Variants in DROSHA observed in about 807,000 individuals in gnomAD.
DROSHA encodes drosha ribonuclease III, also known as ribonuclease 3.
A neutral mutation model predicts 181.9 loss-of-function variants in DROSHA; 56 were observed. That is an observed-to-expected ratio of 0.31 (90% CI 0.25 to 0.38). DROSHA has a LOEUF of 0.38. DROSHA is among the 10% of genes least tolerant of loss of function. The pLI is 1.00. For synonymous variants in DROSHA, 524 were observed against 591.2 expected, an observed-to-expected ratio of 0.89 and a Z score of 1.65; for missense variants, 1,218 against 1,743.5, an observed-to-expected ratio of 0.70 and a Z score of 5.37.
intron 20 of DROSHA, 32 bp from the exon 21 acceptor site, chr5:31,451,672 T>C: frequency 6.8e-7 from 1 of 1,466,576 alleles, no homozygotes; most frequent in Non-Finnish European, 9.3e-7. Flanking sequence ...ATGTTTAACT[T>C]TATAAAAACT....
chr5:31,439,756 C>A (rs1013557421), intron 23 of DROSHA, among the ~76,000 whole-genome samples: 3 of 152,064 alleles, frequency 2.0e-5, no homozygotes, highest in African/African-American at 7.2e-5. Flanking sequence ...TGAAAAGAAC[C>A]TTAATGTCTA....
chr5:31,465,460 A>G (rs1281852232), intron 19 of DROSHA, among the ~76,000 whole-genome samples: 2 of 152,216 alleles, frequency 1.3e-5, no homozygotes, highest in Admixed American at 1.3e-4. Flanking sequence ...ATGTTGTATA[A>G]TGTGCAACCA....
chr5:31,504,740 G>T, intron 10 of DROSHA, 105 bp from the exon 11 acceptor site: 1 of 1,081,008 alleles, frequency 9.3e-7, no homozygotes, highest in Non-Finnish European at 1.4e-6. Context: ...GAGCGCTGAA[G>T]CTCTGAGAGG....
At chr5:31,456,055 G>A (rs145405021) in intron 20 of DROSHA, among the ~76,000 whole-genome samples, 73 of 152,192 alleles carry the variant, frequency 4.8e-4, no homozygotes, top group Admixed American at 1.9e-3. Context: ...CAAACTGACC[G>A]TTAAAACAAA....
intron 23 of DROSHA, 79 bp downstream of exon 23, chr5:31,448,468 A>AG: frequency 7.6e-7 from 1 of 1,320,006 alleles, no homozygotes; most frequent in Non-Finnish European, 1.1e-6. Context: ...AAACCACTGA[A>AG]TTGTATGCTT....
intron 23 of DROSHA, among the ~76,000 whole-genome samples, chr5:31,439,998 C>T (rs1303213027): frequency 6.6e-6 from 1 of 152,176 alleles, no homozygotes; most frequent in Non-Finnish European, 1.5e-5. Flanking sequence ...CAACAGCTGC[C>T]TGTCGAGTCT....
At chr5:31,499,444 T>C (rs1228176853) in intron 11 of DROSHA, among the ~76,000 whole-genome samples, 1 of 152,178 alleles carries the variant, frequency 6.6e-6, no homozygotes, top group Non-Finnish European at 1.5e-5. Flanking sequence ...ATGCCATCAC[T>C]GGTGGTAAGT....
chr5:31,401,781 T>C (rs866660093), intron 35 of DROSHA, among the ~76,000 whole-genome samples: 1 of 152,138 alleles, frequency 6.6e-6, no homozygotes, highest in Non-Finnish European at 1.5e-5. Context: ...TGATTGTAAA[T>C]TTCAGTATCT....
At chr5:31,420,978 A>T (rs1742592329) in intron 30 of DROSHA, among the ~76,000 whole-genome samples, 1 of 152,180 alleles carries the variant, frequency 6.6e-6, no homozygotes, top group Non-Finnish European at 1.5e-5. Context: ...AATCTCCTCT[A>T]ATAATTTTTA....
At chr5:31,521,867 G>A (rs1271655043) in intron 5 of DROSHA, among the ~76,000 whole-genome samples, 1 of 152,082 alleles carries the variant, frequency 6.6e-6, no homozygotes, top group Non-Finnish European at 1.5e-5. Context: ...AATATTAATA[G>A]CTTTTGAGCC....
intron 24 of DROSHA, among the ~76,000 whole-genome samples, chr5:31,436,776 AC>A (rs1744876104): frequency 6.8e-6 from 1 of 147,932 alleles, no homozygotes; most frequent in South Asian, 2.1e-4. Context: ...ACACACACAC[AC>A]ACACACACAC....
rs142594953 is a variant in DROSHA at position 31,417,527 on chromosome 5, G to A, written c.3525+3745C>T. Among the ~76,000 whole-genome samples, 8 of 151,236 alleles carry A rather than the reference G, an allele frequency of 5.3e-5. No individual in the cohort carries two copies. In the East Asian group the frequency reaches 1.4e-3, roughly 26 times the overall value. ...AATCTGGACTGCAGTGGCTCAGACC[G>A]GGTGATAACCATAAAAGTGGTCAGA... On this transcript the variant is annotated intron_variant, in intron 30 of 35. Transcript: ENST00000344624.
intron 12 of DROSHA, among the ~76,000 whole-genome samples, chr5:31,493,936 ATTGTGTGTGTGTGTGT>A (rs1006295782): frequency 7.8e-5 from 10 of 127,710 alleles, no homozygotes; most frequent in East Asian, 2.3e-4. Context: ...ATAACCCACC[ATTGTGTGTGTGTGTGT>A]GTGTGTGTGT....
intron 33 of DROSHA, 69 bp downstream of exon 33, chr5:31,408,987 A>C: frequency 7.0e-7 from 1 of 1,423,112 alleles, no homozygotes; most frequent in South Asian, 1.3e-5. Flanking sequence ...CTCATTCTTC[A>C]AGGCACATGG....
chr5:31,477,712 T>C (rs1396312825), intron 16 of DROSHA, among the ~76,000 whole-genome samples: 2 of 152,242 alleles, frequency 1.3e-5, no homozygotes, highest in African/African-American at 4.8e-5. Flanking sequence ...CCCCTAAGTG[T>C]GATCTCACTA....
chr5:31,421,660 A>G, intron 29 of DROSHA: 1 of 312,680 alleles, frequency 3.2e-6, no homozygotes, highest in East Asian at 5.9e-5. Flanking sequence ...AAGAGCATAA[A>G]TTGAAAAATC....
At chr5:31,424,197 G>A (rs1327301010) in intron 28 of DROSHA, among the ~76,000 whole-genome samples, 1 of 152,120 alleles carries the variant, frequency 6.6e-6, no homozygotes, top group African/African-American at 2.4e-5. Flanking sequence ...CTCACTGAGG[G>A]AAGATGACTC....
At chr5:31,476,759 T>C (rs2150032019) in intron 16 of DROSHA, among the ~76,000 whole-genome samples, 1 of 152,336 alleles carries the variant, frequency 6.6e-6, no homozygotes, top group East Asian at 1.9e-4. Context: ...TAGAGACTCC[T>C]GCCAGAGCCC....
intron 16 of DROSHA, among the ~76,000 whole-genome samples, chr5:31,477,995 G>C (rs1005419197): frequency 6.6e-6 from 1 of 152,134 alleles, no homozygotes; most frequent in Non-Finnish European, 1.5e-5. Context: ...CTTCAAAAGG[G>C]ATAAACTGAA....
Sources: allele counts gnomAD v4.1 joint callset (sites outside exome capture counted in the v4.1 genomes callset), GRCh38; gene constraint gnomAD v4.1.1; transcripts MANE v1.5; gene names NCBI Gene and HGNC (gene_info 2026-07-23, HGNC 2026-07-21).